CENPM: variants seen among roughly 807,000 people sequenced by gnomAD.
CENPM encodes interphase centromere complex protein 39.
Under a neutral mutation model 19.6 loss-of-function variants are expected in CENPM, and 14 were observed. The ratio of observed to expected loss-of-function variants is 0.71; its 90% CI spans 0.47 to 1.11. The LOEUF is 1.11. CENPM is among the 50% of genes most tolerant of loss of function. CENPM has a pLI of 0.00. For missense variants in CENPM, 239 were observed against 228.4 expected (o/e 1.05, Z -0.30); for synonymous variants, 114 against 101.5 (o/e 1.12, Z -0.74).
At chr22:41,934,347 A>G (rs1408870493), downstream of CENPM, among the ~76,000 whole-genome samples, 1 of 152,160 alleles carries the variant, frequency 6.6e-6, no homozygotes, top group African/African-American at 2.4e-5. Flanking sequence ...GAGGGGGACA[A>G]ATGAGTGTGT....
At position 41,945,259 on chromosome 22, in the gene CENPM, G is replaced by A; in HGVS notation, c.276C>T (p.Phe92=). Residue 92 remains phenylalanine, a synonymous_variant, in exon 4 of 6, where the codon TTC becomes TTT. Coordinates refer to ENST00000215980, the MANE Select transcript of CENPM (RefSeq NM_024053.5). ...CGAGGAAACACACCTTCCCCAAGAA[G>A]AAGCTGGCATCCACATGGCGCAGGG... The part of the protein sequence containing the change: ...EESLRHVDAS[F]FLGKVCFLAT... 1 of 1,613,980 alleles carries A rather than the reference G, an allele frequency of 6.2e-7. No homozygotes were observed. Among genetic ancestry groups the A allele is most frequent in the Non-Finnish European group, 8.5e-7 (1 of 1,180,020 alleles).
intron 2 of CENPM, 125 bp from the exon 3 acceptor site, chr22:41,946,130 C>G (rs1380445493): frequency 8.3e-6 from 7 of 840,270 alleles, no homozygotes; most frequent in Non-Finnish European, 1.4e-5. Flanking sequence ...CCACCCGAGG[C>G]TCTTGTGGCC....
chr22:41,934,968 T>G (rs767298405), downstream of CENPM, among the ~76,000 whole-genome samples: 12 of 152,212 alleles, frequency 7.9e-5, no homozygotes, highest in Non-Finnish European at 1.8e-4. Flanking sequence ...AACCCCACTC[T>G]CTGGCCACCC....
At chr22:41,945,145 G>A (rs1179652177) in intron 4 of CENPM, 80 bp downstream of exon 4, 3 of 1,603,952 alleles carry the variant, frequency 1.9e-6, no homozygotes, top group East Asian at 4.5e-5. Flanking sequence ...ATCACCCAGG[G>A]TGCCTCAGCA....
At chr22:41,944,435 CAAAAA>C (rs139232803) in intron 4 of CENPM, among the ~76,000 whole-genome samples, 2 of 70,258 alleles carry the variant, frequency 2.8e-5, no homozygotes, top group Non-Finnish European at 5.7e-5. Context: ...GACTCCGTCT[CAAAAA>C]AAAAAAAAAA....
At chr22:41,943,940 A>T (rs2077768353) in intron 4 of CENPM, among the ~76,000 whole-genome samples, 1 of 152,218 alleles carries the variant, frequency 6.6e-6, no homozygotes, top group Non-Finnish European at 1.5e-5. Context: ...TGACATCTAG[A>T]AATTACTTGG....
Position 41,946,482 on chromosome 22 carries a change from C to G in CENPM, c.72G>C (p.Glu24Asp). The stretch of plus-strand genomic sequence containing the variant: ...CCGCCAGCTGCTGCAGAAGAGCATC[C>G]TCCGTGCCCACCAGCTGCGCAGGGA... Reference protein sequence around the residue: ...NTATILLVGTEDALLQQLADS... With the variant: ...NTATILLVGTDDALLQQLADS... The change falls in exon 2 of 6, where the codon GAG becomes GAC. Residue 24 changes from glutamate to aspartate, a missense_variant. Glu to Asp is a conservative substitution (Grantham distance 45). Transcript: ENST00000215980. The G allele has an allele frequency of 6.2e-7, 1 of 1,613,262 alleles. No individual in the cohort carries two copies. Among genetic ancestry groups the G allele is most frequent in the Non-Finnish European group, 8.5e-7 (1 of 1,179,956 alleles).
the CENPM span, among the ~76,000 whole-genome samples, chr22:41,930,093 G>T: frequency 6.6e-6 from 1 of 151,262 alleles, no homozygotes; most frequent in Non-Finnish European, 1.5e-5. Context: ...ACAGGCGCCC[G>T]CCACCATGCC....
At chr22:41,941,125 C>G (rs1556192326) in intron 5 of CENPM, among the ~76,000 whole-genome samples, 1 of 152,200 alleles carries the variant, frequency 6.6e-6, no homozygotes, top group Non-Finnish European at 1.5e-5. Context: ...AGCACAGAGC[C>G]CTACCAGCAG....
At chr22:41,928,480 A>C in the CENPM span, among the ~76,000 whole-genome samples, 8 of 152,112 alleles carry the variant, frequency 5.3e-5, no homozygotes, top group African/African-American at 1.9e-4. This position sits in a 1 kb window ranked among gnomAD's most constrained non-coding sequence, Gnocchi z 4.0. Flanking sequence ...AATGCCACAC[A>C]TGCCACCCAG....
downstream of CENPM, among the ~76,000 whole-genome samples, chr22:41,935,273 C>T (rs1246025420): frequency 1.3e-5 from 2 of 152,070 alleles, no homozygotes; most frequent in Non-Finnish European, 2.9e-5. Flanking sequence ...GTGCCCCATG[C>T]GGGCATGGGG....
chr22:41,943,966 C>A (rs2077768678), intron 4 of CENPM, among the ~76,000 whole-genome samples: 1 of 152,172 alleles, frequency 6.6e-6, no homozygotes, highest in Admixed American at 6.5e-5. Flanking sequence ...ATTTGCTCAC[C>A]AATGCTTCTT....
rs1245336583 is a variant in CENPM, at chr22:41,945,253, C to A, written c.282G>T (p.Leu94Phe). Residue 94 changes from leucine (L) to phenylalanine (F), a missense_variant, in exon 4 of 6, where the codon TTG becomes TTT. Coordinates refer to ENST00000215980, the MANE Select transcript of CENPM (RefSeq NM_024053.5). ...CTGTGGCGAGGAAACACACCTTCCC[C>A]AAGAAGAAGCTGGCATCCACATGGC... ...SLRHVDASFF[L>F]GKVCFLATGA... 1 of 1,613,788 alleles carries A rather than the reference C, an allele frequency of 6.2e-7. No individual in the cohort carries two copies. Among genetic ancestry groups the A allele is most frequent in the African/African-American group, 1.3e-5 (1 of 74,824 alleles).
Position 41,938,895 on chromosome 22 carries a change from G to A in CENPM, c.*161C>T. The A allele has an allele frequency of 2.3e-6, 2 of 880,668 alleles. No homozygotes were observed. Among genetic ancestry groups the A allele is most frequent in the Non-Finnish European group, 3.4e-6 (2 of 587,344 alleles). The allele number at this position is 880,668 out of a possible 1,614,324, so 54.6% of individuals were successfully genotyped here. A position where few individuals can be genotyped will look rare whatever the true frequency, so the allele number is the denominator to read the frequency against. Reference sequence around the variant, plus strand: ...CCAGCTGGGCCCCCTCGCTGCTTCTGCCCAGCTCTCCCTGCTGCAGCACTG... The same window carrying A: ...CCAGCTGGGCCCCCTCGCTGCTTCTACCCAGCTCTCCCTGCTGCAGCACTG... On this transcript the variant is annotated 3_prime_UTR_variant, in exon 6 of 6. Transcript: ENST00000215980.
intron 5 of CENPM, among the ~76,000 whole-genome samples, chr22:41,943,299 T>C (rs138006713): frequency 1.8e-4 from 28 of 152,312 alleles, no homozygotes; most frequent in African/African-American, 6.3e-4. Context: ...TAACTGAGTA[T>C]GCAGAAACTC....
At chr22:41,930,118 T>C in the CENPM span, among the ~76,000 whole-genome samples, 1 of 149,914 alleles carries the variant, frequency 6.7e-6, no homozygotes, top group Non-Finnish European at 1.5e-5. Context: ...AAATTTTTTG[T>C]ATTTTTAGTA....
At chr22:41,936,494 G>A (rs1321222625), downstream of CENPM, among the ~76,000 whole-genome samples, 1 of 152,226 alleles carries the variant, frequency 6.6e-6, no homozygotes, top group East Asian at 1.9e-4. Flanking sequence ...AGCACTAGGG[G>A]TGGGGCCTGA....
intron 4 of CENPM, chr22:41,944,242 G>C (rs923290663): frequency 7.4e-5 from 40 of 539,842 alleles, no homozygotes; most frequent in Admixed American, 3.8e-4. Context: ...TTCAAGACCA[G>C]CCTGGCCAAC....
At chr22:41,931,343 G>A in the CENPM span, among the ~76,000 whole-genome samples, 5 of 151,482 alleles carry the variant, frequency 3.3e-5, no homozygotes, top group Non-Finnish European at 7.4e-5. Flanking sequence ...GCCGGGTGTC[G>A]TAGCTGGCGC....
Sources: allele counts gnomAD v4.1 joint callset (sites outside exome capture counted in the v4.1 genomes callset), GRCh38; gene constraint gnomAD v4.1.1; non-coding constraint Gnocchi (gnomAD v3.1); transcripts MANE v1.5; gene names NCBI Gene and HGNC (gene_info 2026-07-23, HGNC 2026-07-21).